GMIP: variants seen among roughly 807,000 people sequenced by gnomAD.
The protein encoded by GMIP is GEM interacting protein, also known as GEM-interacting protein.
GMIP carries 54 observed loss-of-function variants against 105.3 expected under a neutral mutation model. The observed-to-expected ratio is 0.51, with a 90% CI of 0.41 to 0.64. The LOEUF (loss-of-function observed/expected upper bound fraction) is 0.64, where lower values mean the gene tolerates loss of function less well. Among genes scored for constraint, GMIP ranks in the 30% least tolerant of loss-of-function variants. GMIP has a pLI of 0.00. For synonymous variants in GMIP, 541 were observed against 560.8 expected, an observed-to-expected ratio of 0.96 and a Z score of 0.50; for missense variants, 1,110 against 1,319.4, an observed-to-expected ratio of 0.84 and a Z score of 2.46.
Position 19,634,074 on chromosome 19 carries a change from G to C in GMIP, c.2201C>G (p.Thr734Ser). ...GPRAASAIPV[T>S]CLLDSGHQAQ... ...CTGATGCCCAGAGTCCAGCAGGCAG[G>C]TGACAGGGATGGCGCTGGCTGCCCG... is the stretch of plus-strand genomic sequence containing the variant. The change falls in exon 19 of 21, where the codon ACC (threonine) becomes AGC (serine). Residue 734 changes from threonine (T) to serine (S), a missense_variant. Physicochemically the swap from Thr to Ser is moderately conservative, Grantham distance 58. Transcript: ENST00000203556. This position sits in a 1 kb window ranked among gnomAD's most constrained non-coding sequence, Gnocchi z 6.1. The C allele has an allele frequency of 6.2e-7, 1 of 1,613,518 alleles. No homozygotes were observed. The highest frequency in any genetic ancestry group is 2.2e-5 in the East Asian group (1 of 44,884).
chr19:19,632,280 A>G (rs1040683535), intron 19 of GMIP, among the ~76,000 whole-genome samples: 1 of 150,672 alleles, frequency 6.6e-6, no homozygotes, highest in Non-Finnish European at 1.5e-5. Flanking sequence ...GGCAACAAGA[A>G]TGAAACTCCG....
At chr19:19,632,876 T>G (rs2061810270) in intron 19 of GMIP, among the ~76,000 whole-genome samples, 1 of 152,170 alleles carries the variant, frequency 6.6e-6, no homozygotes, top group Non-Finnish European at 1.5e-5. Flanking sequence ...GCCTTTGCAC[T>G]GGCTGTTCCC....
intron 3 of GMIP, 48 bp downstream of exon 3, chr19:19,641,928 C>T (rs749409412): frequency 3.8e-6 from 6 of 1,599,724 alleles, no homozygotes; most frequent in Non-Finnish European, 2.6e-6. Flanking sequence ...CTTCCTAAGG[C>T]CCCCTCTGCT....
Position 19,637,375 on chromosome 19 carries a change from A to T in GMIP, c.1114T>A (p.Ser372Thr). 6.7e-7 allele frequency: 1 copy of T among 1,496,796 alleles called. No homozygotes were observed. The highest frequency in any genetic ancestry group is 8.9e-7 in the Non-Finnish European group (1 of 1,126,462). The allele number at this position is 1,496,796 out of a possible 1,614,324, so 92.7% of individuals were successfully genotyped here. A position where few individuals can be genotyped will look rare whatever the true frequency, so the allele number is the denominator to read the frequency against. ...PAFSFQEFLP[S>T]LNSSPLDIRK... ...GCTCCAGTGACCCACCTGTTCAAGG[A>T]GGGAAGGAACTCCTGGAAGGAGAAG... is the stretch of plus-strand genomic sequence containing the variant. Residue 372 changes from serine to threonine, a missense_variant, in exon 11 of 21, where the codon TCC becomes ACC. Physicochemically the swap from Ser to Thr is moderately conservative, Grantham distance 58. Around this residue, in one of 3 missense-constraint regions of GMIP, gnomAD observed 667 missense variants for 773.2 expected, o/e 0.86. Coordinates refer to ENST00000203556, the MANE Select transcript of GMIP (RefSeq NM_016573.4). This position sits in a 1 kb window ranked among gnomAD's most constrained non-coding sequence, Gnocchi z 6.7.
intron 7 of GMIP, among the ~76,000 whole-genome samples, chr19:19,639,051 G>C (rs760293611): frequency 6.6e-6 from 1 of 151,528 alleles, no homozygotes; most frequent in Non-Finnish European, 1.5e-5. Context: ...CTGCACTCCA[G>C]CCTGGATGAT....
intron 4 of GMIP, 64 bp downstream of exon 4, chr19:19,641,746 T>C: frequency 8.8e-7 from 1 of 1,131,436 alleles, no homozygotes; most frequent in Non-Finnish European, 1.3e-6. Context: ...AGGGGATCAG[T>C]GGTGATTTGT....
rs972907517 is a variant in GMIP, at chr19:19,643,646, G to T, written c.-117C>A. The T allele has an allele frequency of 2.3e-6, 2 of 861,238 alleles. No homozygotes were observed. The highest frequency in any genetic ancestry group is 3.3e-5 in the Admixed American group (1 of 30,420). The allele number at this position is 861,238 out of a possible 1,614,324, so 53.3% of individuals were successfully genotyped here. On this transcript the variant is annotated 5_prime_UTR_variant, in exon 1 of 21. Transcript: ENST00000203556. ...GCCGCCGCCGCCTCGGTTCCGCGTC[G>T]CCCTGCCCAGCGGAGGCCACGCCCC...
In GMIP at chr19:19,643,564, A is replaced by T. The variant is rs971224810; in HGVS notation, c.-35T>A. On this transcript the variant is annotated 5_prime_UTR_variant, in exon 1 of 21. Coordinates refer to ENST00000203556, the MANE Select transcript of GMIP (RefSeq NM_016573.4). ...CGGGGATCGCTCTGCAGGGACCGGG[A>T]TGGGGATGGGGTCGCGCGCCGGCGG... 1 of 1,528,754 alleles carries T rather than the reference A, an allele frequency of 6.5e-7. No individual in the cohort carries two copies. Among genetic ancestry groups the T allele is most frequent in the East Asian group, 2.6e-5 (1 of 39,192 alleles). The allele number at this position is 1,528,754 out of a possible 1,614,324, so 94.7% of individuals were successfully genotyped here.
At chr19:19,636,826 C>A (rs1220273397) in intron 12 of GMIP, 30 bp from the exon 13 acceptor site, 21 of 1,588,454 alleles carry the variant, frequency 1.3e-5, no homozygotes, top group Non-Finnish European at 1.6e-5. Context: ...AAGGATGGTC[C>A]CCTGCTCACA....
Position 19,637,663 on chromosome 19 carries a change from T to C in GMIP, c.928-102A>G. The C allele has an allele frequency of 3.9e-6, 4 of 1,026,096 alleles. No individual in the cohort carries two copies. The highest frequency in any genetic ancestry group is 3.1e-4 in the Middle Eastern group (1 of 3,208). The allele number at this position is 1,026,096 out of a possible 1,614,324, so 63.6% of individuals were successfully genotyped here. ...TTGAGAGACGCGAACGTGGTCAGGGTTTGGGACGCACCTGGGCGGCTTAGG... is the reference window on the plus strand; with the variant it reads ...TTGAGAGACGCGAACGTGGTCAGGGCTTGGGACGCACCTGGGCGGCTTAGG... On this transcript the variant is annotated intron_variant, in intron 10 of 20. Coordinates refer to ENST00000203556, the MANE Select transcript of GMIP (RefSeq NM_016573.4). The surrounding 1 kb of genome is among the most constrained non-coding windows in gnomAD (Gnocchi z 6.7).
At chr19:19,632,289 C>T (rs12609436) in intron 19 of GMIP, among the ~76,000 whole-genome samples, 74,768 of 151,178 alleles carry the variant, frequency 0.49, 18,655 homozygotes, top group South Asian at 0.55. Flanking sequence ...AATGAAACTC[C>T]GTCTAAAAAA....
intron 7 of GMIP, 150 bp downstream of exon 7, chr19:19,639,935 G>A (rs2061899951): frequency 8.3e-6 from 5 of 602,512 alleles, no homozygotes; most frequent in South Asian, 8.1e-5. Context: ...AAGTTCCCAA[G>A]CATCCCCGGG....
Position 19,635,334 on chromosome 19 carries a change from G to T in GMIP, c.1560+81C>A. The T allele has an allele frequency of 6.4e-7, 1 of 1,554,412 alleles. No homozygotes were observed. The highest frequency in any genetic ancestry group is 8.8e-7 in the Non-Finnish European group (1 of 1,138,502). On this transcript the variant is annotated intron_variant, in intron 15 of 20. Coordinates refer to ENST00000203556, the MANE Select transcript of GMIP (RefSeq NM_016573.4). This position sits in a 1 kb window ranked among gnomAD's most constrained non-coding sequence, Gnocchi z 4.7. ...CATCAGGTTAGGGTGGGTCCCAGGG[G>T]CAGAAAGGCTGTAGGAATCTCAGGT...
Position 19,630,214 on chromosome 19 carries a change from C to T in GMIP, c.2662G>A (p.Ala888Thr). 6.3e-7 allele frequency: 1 copy of T among 1,596,522 alleles called. No homozygotes were observed. The highest frequency in any genetic ancestry group is 1.3e-5 in the African/African-American group (1 of 74,650). ...RPVTHQLSSL[A>T]LVASKLCEET... is the part of the protein sequence containing the mutation. ...TCGCACAGCTTGGAAGCCACCAGGG[C>T]CAGACTGGACAGCTGGTGGGTTACA... Residue 888 changes from alanine (A) to threonine (T), a missense_variant, in exon 21 of 21, where the codon GCC becomes ACC. Physicochemically the swap from Ala to Thr is moderately conservative, Grantham distance 58 (BLOSUM62 0). Transcript: ENST00000203556. This position sits in a 1 kb window ranked among gnomAD's most constrained non-coding sequence, Gnocchi z 4.8.
chr19:19,642,907 G>C (rs1001262398), intron 1 of GMIP, among the ~76,000 whole-genome samples: 4 of 152,092 alleles, frequency 2.6e-5, no homozygotes, highest in Admixed American at 2.6e-4. Flanking sequence ...AGGCTGTCCC[G>C]AGAAGAAAGC....
Position 19,640,129 on chromosome 19 carries a change from G to A in GMIP, c.493C>T (p.Leu165=). The change falls in exon 7 of 21, where the codon CTG becomes TTG. Residue 165 remains leucine, a synonymous_variant. Coordinates refer to ENST00000203556, the MANE Select transcript of GMIP (RefSeq NM_016573.4). ...FLEHDLSLGT[L]AMETVAQQKR... ...TGCTGGGCCACTGTCTCCATGGCCA[G>A]GGTTCCCAGGCTGAGATCGTGCTCC... 1.2e-6 allele frequency: 2 copies of A among 1,613,890 alleles called. No individual in the cohort carries two copies. The highest frequency in any genetic ancestry group is 1.7e-6 in the Non-Finnish European group (2 of 1,179,794).
chr19:19,642,706 A>G, intron 1 of GMIP, 87 bp from the exon 2 acceptor site: 1 of 609,254 alleles, frequency 1.6e-6, no homozygotes, highest in South Asian at 2.1e-5. Context: ...AGGGGGTGGA[A>G]GAGAAAGGGA....
Position 19,641,994 on chromosome 19 carries a change from C to A in GMIP, c.162G>T (p.Lys54Asn). ...CACTCACAACAGTGGCTGTAGGGGT[C>A]TTGTCAGGTTCTGGGTCTTCTGAGA... ...PLLSEDPEPD[K>N]TPTATVTNEA... The change falls in exon 3 of 21, where the codon AAG (lysine) becomes AAT (asparagine). Residue 54 changes from lysine (K) to asparagine (N), a missense_variant. Lys to Asn is a moderately conservative substitution (Grantham distance 94). This residue lies in a region of GMIP where 667 missense variants were observed against 773.2 expected (regional missense o/e 0.86). Transcript: ENST00000203556. The A allele has an allele frequency of 1.2e-6, 2 of 1,613,428 alleles. No homozygotes were observed. Among genetic ancestry groups the A allele is most frequent in the Non-Finnish European group, 1.7e-6 (2 of 1,179,432 alleles).
Position 19,634,390 on chromosome 19 carries a change from AGT to A in GMIP, c.2084+115_2084+116del. 1 of 1,052,950 alleles carries A rather than the reference AGT, an allele frequency of 9.5e-7. No individual in the cohort carries two copies. Among genetic ancestry groups the A allele is most frequent in the Non-Finnish European group, 1.4e-6 (1 of 705,074 alleles). The allele number at this position is 1,052,950 out of a possible 1,614,324, so 65.2% of individuals were successfully genotyped here. On this transcript the variant is annotated intron_variant, in intron 18 of 20. Coordinates refer to ENST00000203556, the MANE Select transcript of GMIP (RefSeq NM_016573.4). This position sits in a 1 kb window ranked among gnomAD's most constrained non-coding sequence, Gnocchi z 6.1. The stretch of plus-strand genomic sequence containing the variant: ...TTATGAATCATGGATTAAGGTTCAG[AGT>A]TCAGAAAACACAGGTCAAAGGTCAG...
Sources: allele counts gnomAD v4.1 joint callset (sites outside exome capture counted in the v4.1 genomes callset), GRCh38; gene constraint gnomAD v4.1.1; regional missense constraint gnomAD v4.1.1; non-coding constraint Gnocchi (gnomAD v3.1); transcripts MANE v1.5; gene names NCBI Gene and HGNC (gene_info 2026-07-23, HGNC 2026-07-21).